RAI14: variants seen among roughly 807,000 people sequenced by gnomAD.
RAI14 encodes the protein retinoic acid induced 14.
Under a neutral mutation model 115.4 loss-of-function variants are expected in RAI14, and 45 were observed. The observed-to-expected ratio is 0.39, with a 90% CI of 0.31 to 0.50. RAI14 has a LOEUF of 0.50. RAI14 is among the 20% of genes least tolerant of loss of function. RAI14 has a pLI of 0.85. For missense variants in RAI14, 939 were observed against 1,131.2 expected, an observed-to-expected ratio of 0.83 and a Z score of 2.44; for synonymous variants, 371 against 415.4, an observed-to-expected ratio of 0.89 and a Z score of 1.30.
intron 2 of RAI14, among the ~76,000 whole-genome samples, chr5:34,730,897 C>T (rs1311123076): frequency 6.6e-6 from 1 of 152,150 alleles, no homozygotes; most frequent in Non-Finnish European, 1.5e-5. Flanking sequence ...GCAGGAGAAT[C>T]GCTTGAACCT....
chr5:34,805,582 G>A (rs1053970895), intron 5 of RAI14, among the ~76,000 whole-genome samples: 8 of 152,204 alleles, frequency 5.3e-5, no homozygotes, highest in Non-Finnish European at 1.0e-4. Flanking sequence ...GCTCACGCCT[G>A]TAATCCTAGC....
chr5:34,735,377 A>C (rs540286958), intron 2 of RAI14, among the ~76,000 whole-genome samples: 1 of 152,362 alleles, frequency 6.6e-6, no homozygotes, highest in Non-Finnish European at 1.5e-5. Context: ...TACTTACACC[A>C]GGTCTTTAGC....
intron 2 of RAI14, among the ~76,000 whole-genome samples, chr5:34,751,071 G>C (rs928168977): frequency 2.0e-5 from 3 of 151,098 alleles, no homozygotes; most frequent in Non-Finnish European, 4.4e-5. Context: ...GGCTGGTCTC[G>C]AACTCCCGAA....
At chr5:34,804,508 G>A (rs551398025) in intron 5 of RAI14, among the ~76,000 whole-genome samples, 9 of 152,324 alleles carry the variant, frequency 5.9e-5, no homozygotes, top group Non-Finnish European at 8.8e-5. Context: ...CTGTTGAACT[G>A]TTGTCTTGGC....
intron 2 of RAI14, among the ~76,000 whole-genome samples, chr5:34,740,276 G>A (rs1271448240): frequency 1.3e-5 from 2 of 152,282 alleles, no homozygotes; most frequent in South Asian, 4.1e-4. Context: ...GGGTCAAACT[G>A]CAGATTGCTG....
At position 34,822,975 on chromosome 5, in the gene RAI14, C is replaced by T. The variant is rs768384007; in HGVS notation, c.1133C>T (p.Ala378Val). The change falls in exon 15 of 18, where the codon GCG becomes GTG. Residue 378 changes from alanine (A) to valine (V), a missense_variant. By Grantham distance (64) the Ala-to-Val change is moderately conservative (BLOSUM62 0). Transcript: ENST00000265109. The part of the protein sequence containing the change: ...DKLQAKSPKE[A>V]EADLSFDSYH... ...TCCTAGGCCAAATCACCCAAGGAGG[C>T]GGAAGCAGACCTAAGCTTTGACTCA... is the stretch of plus-strand genomic sequence containing the variant. The T allele has an allele frequency of 6.2e-6, 10 of 1,611,758 alleles. No homozygotes were observed. The highest frequency in any genetic ancestry group is 4.5e-5 in the East Asian group (2 of 44,876).
chr5:34,796,703 A>G (rs998515128), intron 4 of RAI14, among the ~76,000 whole-genome samples: 7 of 152,140 alleles, frequency 4.6e-5, no homozygotes, highest in Admixed American at 3.3e-4. Flanking sequence ...GGCTCTGTAG[A>G]TGGAAGCCTT....
In RAI14 at chr5:34,709,041, G is replaced by T. The variant is rs540207187; in HGVS notation, c.36+22086G>T. On this transcript the variant is annotated intron_variant, in intron 2 of 17. Transcript: ENST00000265109. ...GCCTATTGTGCTAGCTAGGCGGGAG[G>T]AATGCTTGAGCCCAGGAATTTGAGG... 2.0e-5 allele frequency among the ~76,000 whole-genome samples: 3 copies of T among 149,348 alleles called. No individual in the cohort carries two copies. The South Asian group carries it at 6.3e-4, about 31-fold the overall frequency.
chr5:34,757,856 G>A lies in RAI14; in HGVS notation c.167+258G>A, dbSNP rs570056479. The A allele has an allele frequency of 4.1e-5, 11 of 266,490 alleles. No individual in the cohort carries two copies. The East Asian group carries it at 7.2e-4, about 18-fold the overall frequency. 16.5% of individuals were successfully genotyped at this position (266,490 alleles called of 1,614,324 possible). Reference sequence around the variant, plus strand: ...TAAGATTGCAACCAATTGTAGATGAGACATGAATTCTCTCTTCGATAAGAA... The same window carrying A: ...TAAGATTGCAACCAATTGTAGATGAAACATGAATTCTCTCTTCGATAAGAA... On this transcript the variant is annotated intron_variant, in intron 3 of 17. Transcript: ENST00000265109.
intron 2 of RAI14, among the ~76,000 whole-genome samples, chr5:34,756,366 G>A (rs1431311501): frequency 6.6e-6 from 1 of 152,170 alleles, no homozygotes; most frequent in Non-Finnish European, 1.5e-5. Context: ...ATACCTGGAG[G>A]TTCATCCCTT....
In RAI14 at chr5:34,827,368, G is replaced by A. The variant is rs931167136; in HGVS notation, c.2799+889G>A. Among the ~76,000 whole-genome samples, 1 of 152,108 alleles carries A rather than the reference G, an allele frequency of 6.6e-6. No homozygotes were observed. The highest frequency in any genetic ancestry group is 2.4e-5 in the African/African-American group (1 of 41,408). ...AAGTTTAACATTCACAGGTTCTGGG[G>A]ATTAGGATGTGGACATCTTTCAAGA... On this transcript the variant is annotated intron_variant, in intron 16 of 17. Transcript: ENST00000265109. The surrounding 1 kb of genome is among the most constrained non-coding windows in gnomAD (Gnocchi z 4.2).
chr5:34,663,495 C>A (rs540022231), intron 1 of RAI14, among the ~76,000 whole-genome samples: 87 of 152,218 alleles, frequency 5.7e-4, no homozygotes, highest in African/African-American at 2.0e-3. Context: ...CCAGCATGGG[C>A]AACAGAGTGA....
At chr5:34,775,039 T>C (rs1750663577) in intron 3 of RAI14, among the ~76,000 whole-genome samples, 1 of 152,068 alleles carries the variant, frequency 6.6e-6, no homozygotes, top group Admixed American at 6.6e-5. Flanking sequence ...CTTCAGTAAA[T>C]GGTGGTGGGA....
chr5:34,671,835 C>T (rs2149856595), intron 1 of RAI14, among the ~76,000 whole-genome samples: 1 of 152,078 alleles, frequency 6.6e-6, no homozygotes, highest in East Asian at 1.9e-4. Flanking sequence ...GCACAGATGC[C>T]ACATGTGGCT....
chr5:34,677,874 C>A (rs187664), intron 1 of RAI14, among the ~76,000 whole-genome samples: 41,294 of 152,046 alleles, frequency 0.27, 5,896 homozygotes, highest in East Asian at 0.46. Flanking sequence ...ATTTTAATGG[C>A]AAAAACTGCA....
At chr5:34,795,472 C>T (rs1051938344) in intron 3 of RAI14, among the ~76,000 whole-genome samples, 6 of 152,130 alleles carry the variant, frequency 3.9e-5, no homozygotes, top group Admixed American at 2.6e-4. Context: ...ATTGAGTTGT[C>T]CAAGAACCTT....
At position 34,823,786 on chromosome 5, in the gene RAI14, G is replaced by A; in HGVS notation, c.1944G>A (p.Leu648=). ...IDELNKQVSE[L]SQLYKEAQAE... ...AACTCAATAAACAGGTGAGCGAGCT[G>A]TCACAGCTGTACAAAGAAGCCCAGG... Residue 648 remains leucine (L), a synonymous_variant, in exon 15 of 18, where the codon CTG becomes CTA. Transcript: ENST00000265109. The surrounding 1 kb of genome is among the most constrained non-coding windows in gnomAD (Gnocchi z 4.5). 6.2e-7 allele frequency: 1 copy of A among 1,614,196 alleles called. No individual in the cohort carries two copies. The highest frequency in any genetic ancestry group is 8.5e-7 in the Non-Finnish European group (1 of 1,180,028).
rs556405125 is a variant in RAI14, at chr5:34,790,747, T to G, written c.168-5192T>G. ...ATAAGATGTATAGTGTGTATATGGG[T>G]GTGTGTGTGTGTATATATACATATA... On this transcript the variant is annotated intron_variant, in intron 3 of 17. Transcript: ENST00000265109. Among the ~76,000 whole-genome samples the G allele has an allele frequency of 6.4e-5, 9 of 141,564 alleles. No individual in the cohort carries two copies. In the South Asian group the frequency reaches 1.3e-3, roughly 20 times the overall value. 92.9% of individuals were successfully genotyped at this position (141,564 alleles called of 152,430 possible).
At chr5:34,662,471 G>C (rs1278544560) in intron 1 of RAI14, among the ~76,000 whole-genome samples, 1 of 152,070 alleles carries the variant, frequency 6.6e-6, no homozygotes, top group Non-Finnish European at 1.5e-5. Context: ...ATTTTATATG[G>C]TGATAGGGAA....
Sources: gnomAD v4.1 joint callset for allele counts (sites outside exome capture counted in the v4.1 genomes callset) on GRCh38, gnomAD v4.1.1 for gene constraint, Gnocchi (gnomAD v3.1) non-coding constraint, MANE v1.5 for transcripts, NCBI Gene and HGNC (gene_info 2026-07-23, HGNC 2026-07-21) for gene names.